Variants in CDH10 observed in about 807,000 individuals in gnomAD.
CDH10 encodes the protein cadherin-10.
CDH10 carries 30 observed loss-of-function variants against 73.1 expected under a neutral mutation model. The ratio of observed to expected loss-of-function variants is 0.41; its 90% CI spans 0.31 to 0.56. CDH10 has a LOEUF of 0.56. CDH10 is among the 20% of genes least tolerant of loss of function. The pLI, the probability that CDH10 is intolerant of heterozygous loss-of-function variation, is 0.27. For synonymous variants in CDH10, 345 were observed against 348.2 expected, an observed-to-expected ratio of 0.99 and a Z score of 0.10; for missense variants, 815 against 973.7, an observed-to-expected ratio of 0.84 and a Z score of 2.17.
Position 24,573,973 on chromosome 5 carries a change from C to T in CDH10, c.231+19287G>A, listed in dbSNP as rs563661753. 3.5e-3 allele frequency among the ~76,000 whole-genome samples: 533 copies of T among 151,544 alleles called. 1 individual carries two copies. Among genetic ancestry groups the T allele is most frequent in the Middle Eastern group, 0.014 (4 of 288 alleles). The stretch of plus-strand genomic sequence containing the variant: ...GATCTCCGCTCACTGCAAGCTCTGC[C>T]TCCCGGGTTCACGCCATTCTCCTGC... On this transcript the variant is annotated intron_variant, in intron 2 of 11. Transcript: ENST00000264463.
At chr5:24,515,893 T>C (rs551367932) in intron 5 of CDH10, among the ~76,000 whole-genome samples, 127 of 115,902 alleles carry the variant, frequency 1.1e-3, no homozygotes, top group Admixed American at 4.2e-3. Context: ...GATGGTTTTA[T>C]ACAGGGGAGT....
chr5:24,536,050 T>C (rs917927203), intron 3 of CDH10, among the ~76,000 whole-genome samples: 1 of 152,112 alleles, frequency 6.6e-6, no homozygotes, highest in African/African-American at 2.4e-5. Flanking sequence ...ATGCATGCAA[T>C]AAATAATTCT....
At chr5:24,564,656 T>C (rs1745101895) in intron 2 of CDH10, among the ~76,000 whole-genome samples, 1 of 152,220 alleles carries the variant, frequency 6.6e-6, no homozygotes, top group African/African-American at 2.4e-5. Context: ...CATCAGTATT[T>C]CTAATTGCTA....
intron 8 of CDH10, among the ~76,000 whole-genome samples, chr5:24,501,161 T>TA (rs1317457566): frequency 6.6e-6 from 1 of 152,108 alleles, no homozygotes; most frequent in African/African-American, 2.4e-5. Context: ...AGTCTTGACA[T>TA]AAAAATATCC....
intron 9 of CDH10, among the ~76,000 whole-genome samples, chr5:24,494,414 A>G (rs963014390): frequency 1.3e-5 from 2 of 151,968 alleles, no homozygotes; most frequent in Non-Finnish European, 2.9e-5. Context: ...GGAAAAAATG[A>G]CATAAATGGA....
At chr5:24,598,538 TAAAA>T (rs796890253) in intron 1 of CDH10, among the ~76,000 whole-genome samples, 6 of 132,844 alleles carry the variant, frequency 4.5e-5, no homozygotes, top group African/African-American at 1.6e-4. Flanking sequence ...TTGTTGTTCC[TAAAA>T]AAAAAAAAAA....
chr5:24,644,951 T>A lies in CDH10; in HGVS notation c.-481A>T, dbSNP rs1748174503. On this transcript the variant is annotated 5_prime_UTR_variant, in exon 1 of 12. It adds an upstream start codon to the 5' untranslated region. Coordinates refer to ENST00000264463, the MANE Select transcript of CDH10 (RefSeq NM_006727.5). The stretch of plus-strand genomic sequence containing the variant: ...GGTTAGAGACTGTGGAAGTGCTGGC[T>A]TCTGCGAGCACACAGCGATTTGCAA... The A allele has an allele frequency of 6.6e-6, 1 of 152,106 alleles. No individual in the cohort carries two copies. The highest frequency in any genetic ancestry group is 1.5e-5 in the Non-Finnish European group (1 of 68,038). 9.4% of individuals were successfully genotyped at this position (152,106 alleles called of 1,614,324 possible).
chr5:24,535,964 G>A (rs1743936734), intron 3 of CDH10, 142 bp from the exon 4 acceptor site: 3 of 497,196 alleles, frequency 6.0e-6, no homozygotes, highest in Non-Finnish European at 7.1e-6. Context: ...GGATGAATAT[G>A]TAGATATATA....
chr5:24,594,646 CT>C (rs1158739594), intron 1 of CDH10, among the ~76,000 whole-genome samples: 2 of 151,932 alleles, frequency 1.3e-5, no homozygotes, highest in Non-Finnish European at 2.9e-5. Flanking sequence ...TGCTCCCTTC[CT>C]TAACCAGCAA....
chr5:24,493,674 T>C (rs889552435), intron 9 of CDH10, among the ~76,000 whole-genome samples: 1 of 151,882 alleles, frequency 6.6e-6, no homozygotes, highest in Non-Finnish European at 1.5e-5. Flanking sequence ...TATCTTCCTT[T>C]TGTTCTTTAA....
intron 1 of CDH10, among the ~76,000 whole-genome samples, chr5:24,611,245 A>G (rs1021581203): frequency 2.0e-5 from 3 of 152,156 alleles, no homozygotes; most frequent in African/African-American, 7.2e-5. Flanking sequence ...TGATGAATTA[A>G]GTAATGTGAT....
intron 2 of CDH10, among the ~76,000 whole-genome samples, chr5:24,563,597 CAAA>C (rs70965616): frequency 2.3e-5 from 2 of 88,730 alleles, no homozygotes; most frequent in Admixed American, 1.4e-4. Flanking sequence ...ACTAAAAATA[CAAA>C]AAAAAAAAAA....
chr5:24,509,480 C>A, intron 7 of CDH10, 86 bp downstream of exon 7: 5 of 1,196,938 alleles, frequency 4.2e-6, no homozygotes, highest in Non-Finnish European at 6.0e-6. Context: ...ACCTCGTGAT[C>A]CACCCGCCTC....
chr5:24,566,796 G>A (rs940216282), intron 2 of CDH10, among the ~76,000 whole-genome samples: 5 of 151,796 alleles, frequency 3.3e-5, no homozygotes, highest in African/African-American at 1.2e-4. Context: ...GGTAATAAAG[G>A]ATTTGTTAGA....
At chr5:24,552,162 T>G (rs1744569415) in intron 2 of CDH10, among the ~76,000 whole-genome samples, 1 of 152,092 alleles carries the variant, frequency 6.6e-6, no homozygotes, top group Admixed American at 6.5e-5. Context: ...CTTAATGTCT[T>G]TCACTACAAT....
At chr5:24,600,515 C>A (rs746767457) in intron 1 of CDH10, among the ~76,000 whole-genome samples, 5 of 152,086 alleles carry the variant, frequency 3.3e-5, no homozygotes, top group Non-Finnish European at 7.4e-5. Flanking sequence ...AGCACCTAAT[C>A]CAAACACGGG....
intron 2 of CDH10, among the ~76,000 whole-genome samples, chr5:24,571,392 C>T (rs760899385): frequency 2.3e-4 from 35 of 152,008 alleles, no homozygotes; most frequent in Non-Finnish European, 4.3e-4. Flanking sequence ...CCACAGGGGT[C>T]AACAGTAAGA....
At chr5:24,569,279 T>C (rs1287448716) in intron 2 of CDH10, among the ~76,000 whole-genome samples, 3 of 152,290 alleles carry the variant, frequency 2.0e-5, no homozygotes, top group East Asian at 3.9e-4. Flanking sequence ...GTTTAATTTG[T>C]ATCATTTGAA....
chr5:24,572,270 A>G (rs1745412659), intron 2 of CDH10, among the ~76,000 whole-genome samples: 1 of 152,130 alleles, frequency 6.6e-6, no homozygotes, highest in East Asian at 1.9e-4. Flanking sequence ...ATGCCTTTCA[A>G]CTTCCAGGTA....
Sources: gnomAD v4.1 joint callset for allele counts (sites outside exome capture counted in the v4.1 genomes callset) on GRCh38, gnomAD v4.1.1 for gene constraint, MANE v1.5 for transcripts, NCBI Gene and HGNC (gene_info 2026-07-23, HGNC 2026-07-21) for gene names.